Variants in SYCP2L observed in about 807,000 individuals in gnomAD.
The protein encoded by SYCP2L is synaptonemal complex protein 2 like.
In SYCP2L, 98 loss-of-function variants were observed where a neutral mutation model predicts 125.8. The observed-to-expected ratio is 0.78, with a 90% CI of 0.66 to 0.92. SYCP2L has a LOEUF of 0.92. SYCP2L is among the 40% of genes least tolerant of loss of function. The probability of loss-of-function intolerance (pLI) is 0.00; values close to 1 mark genes in which losing one functional copy is unlikely to be tolerated. For missense variants in SYCP2L, 842 were observed against 936.4 expected (o/e 0.90, Z 1.32); for synonymous variants, 317 against 325.4 (o/e 0.97, Z 0.28).
chr6:10,918,748 A>C (rs544223118), intron 14 of SYCP2L, among the ~76,000 whole-genome samples: 58 of 152,028 alleles, frequency 3.8e-4, no homozygotes, highest in East Asian at 1.6e-3. Flanking sequence ...GTTGGCCAGG[A>C]TGGTCTCAAT....
At chr6:10,956,460 A>G (rs967919620) in intron 25 of SYCP2L, among the ~76,000 whole-genome samples, 4 of 152,304 alleles carry the variant, frequency 2.6e-5, no homozygotes, top group Admixed American at 6.5e-5. Flanking sequence ...TTACAAGTTA[A>G]TAAGTTCTGG....
intron 8 of SYCP2L, among the ~76,000 whole-genome samples, chr6:10,903,472 T>C (rs1287058366): frequency 3.3e-5 from 5 of 151,738 alleles, no homozygotes; most frequent in Admixed American, 6.6e-5. Flanking sequence ...GGCGTGAACC[T>C]GGGAGGTGGA....
chr6:10,927,061 G>T (rs1047253190), intron 16 of SYCP2L, among the ~76,000 whole-genome samples, 179 bp from the exon 17 acceptor site: 1 of 152,168 alleles, frequency 6.6e-6, no homozygotes, highest in African/African-American at 2.4e-5. Flanking sequence ...GATTACAGAC[G>T]TGAGCCAACA....
In SYCP2L at chr6:10,956,211, A is replaced by C. The variant is rs1402718394; in HGVS notation, c.2132A>C (p.Asn711Thr). 27 of 1,613,670 alleles carry C rather than the reference A, an allele frequency of 1.7e-5. No homozygotes were observed. In the East Asian group the frequency reaches 6.0e-4, roughly 36 times the overall value. Residue 711 changes from asparagine (N) to threonine (T), a missense_variant, in exon 25 of 30, where the codon AAC (asparagine) becomes ACC (threonine). Physicochemically the swap from Asn to Thr is moderately conservative, Grantham distance 65 (BLOSUM62 0). Transcript: ENST00000283141. ...TCTGCCATTCTCCCAACCTTTGAAA[A>C]CTTCACTAAAAAACGGAAAAGAAAA... Reference protein sequence around the residue: ...NGSAILPTFENFTKKRKRKYE... With the variant: ...NGSAILPTFETFTKKRKRKYE...
At chr6:10,900,788 G>C (rs564017455) in intron 6 of SYCP2L, among the ~76,000 whole-genome samples, 32 of 152,256 alleles carry the variant, frequency 2.1e-4, no homozygotes, top group South Asian at 6.2e-4. Context: ...TGAATTTCGG[G>C]GGGGGACACA....
rs993355382 is a variant in SYCP2L, at chr6:10,939,932, G to T, written c.1814-2527G>T. 3.3e-5 allele frequency among the ~76,000 whole-genome samples: 5 copies of T among 151,814 alleles called. No individual in the cohort carries two copies. In the East Asian group the frequency reaches 7.8e-4, roughly 24 times the overall value. Reference sequence around the variant, plus strand: ...AACCTAAAGAATGGGAGAAAATATTGCAAATCATATATCTGATAATAGGTT... The same window carrying T: ...AACCTAAAGAATGGGAGAAAATATTTCAAATCATATATCTGATAATAGGTT... On this transcript the variant is annotated intron_variant, in intron 21 of 29. Coordinates refer to ENST00000283141, the MANE Select transcript of SYCP2L (RefSeq NM_001040274.3).
At chr6:10,942,072 T>G (rs1781233654) in intron 21 of SYCP2L, among the ~76,000 whole-genome samples, 1 of 141,216 alleles carries the variant, frequency 7.1e-6, no homozygotes, top group African/African-American at 2.7e-5. Flanking sequence ...CCACATGTTC[T>G]CACTCATAGG....
At chr6:10,948,553 C>T (rs1647233349) in intron 23 of SYCP2L, among the ~76,000 whole-genome samples, 1 of 151,984 alleles carries the variant, frequency 6.6e-6, no homozygotes, top group African/African-American at 2.4e-5. Context: ...TACTTGTGTT[C>T]CTGGGATAAA....
Position 10,926,433 on chromosome 6 carries a change from G to T in SYCP2L, c.1312+1G>T. On this transcript the variant is annotated splice_donor_variant, in intron 16 of 29. Transcript: ENST00000283141. LOFTEE classifies it high-confidence loss of function. ...CCCAGTGGCCTTGAAAGAGAAACAG[G>T]TATATTGGGAAATAACAAAATTCTG... The T allele has an allele frequency of 6.2e-7, 1 of 1,606,476 alleles. No individual in the cohort carries two copies. The highest frequency in any genetic ancestry group is 8.5e-7 in the Non-Finnish European group (1 of 1,174,690).
intron 14 of SYCP2L, 65 bp from the exon 15 acceptor site, chr6:10,924,431 A>G: frequency 7.5e-7 from 1 of 1,329,648 alleles, no homozygotes; most frequent in Non-Finnish European, 9.9e-7. Context: ...ATTTAAAATG[A>G]TAAAATTTTA....
chr6:10,956,665 G>A (rs1313307193), intron 25 of SYCP2L, among the ~76,000 whole-genome samples: 1 of 152,122 alleles, frequency 6.6e-6, no homozygotes, highest in Non-Finnish European at 1.5e-5. Context: ...GTCTCACTAT[G>A]TTGCCTAGGC....
rs1780179019 is a variant in SYCP2L, at chr6:10,891,723, C to G, written c.78+142C>G. 7.9e-6 allele frequency: 4 copies of G among 503,866 alleles called. No individual in the cohort carries two copies. In the East Asian group the frequency reaches 1.4e-4, roughly 17 times the overall value. The allele number at this position is 503,866 out of a possible 1,614,324, so 31.2% of individuals were successfully genotyped here. ...CTGTGTTCCCTGGGTCATTAGCAAA[C>G]TTGTTCCTCCAGTTGCTCAAATCAG... On this transcript the variant is annotated intron_variant, in intron 2 of 29. Coordinates refer to ENST00000283141, the MANE Select transcript of SYCP2L (RefSeq NM_001040274.3).
chr6:10,903,526 G>C (rs967447739), intron 8 of SYCP2L, among the ~76,000 whole-genome samples: 1 of 151,900 alleles, frequency 6.6e-6, no homozygotes, highest in Non-Finnish European at 1.5e-5. Context: ...CCAGCCTGAG[G>C]GTGACAGAGT....
rs767257890 is a variant in SYCP2L at position 10,907,683 on chromosome 6, C to T, written c.818C>T (p.Thr273Met). 6.3e-5 allele frequency: 101 copies of T among 1,611,656 alleles called. No individual in the cohort carries two copies. Among genetic ancestry groups the T allele is most frequent in the Admixed American group, 1.7e-4 (10 of 59,372 alleles). Residue 273 changes from threonine (T) to methionine (M), a missense_variant and splice_region_variant, in exon 10 of 30, where the codon ACG (threonine) becomes ATG (methionine). Physicochemically the swap from Thr to Met is moderately conservative, Grantham distance 81. Coordinates refer to ENST00000283141, the MANE Select transcript of SYCP2L (RefSeq NM_001040274.3). ...GAAATTAAGGATCGAGAATTTGAGA[C>T]GGTGAGATTCCTGGCCATGCGAATT... ...FKEIKDREFE[T>M]DSRRFLNHLN...
At position 10,963,950 on chromosome 6, in the gene SYCP2L, G is replaced by A. The variant is rs117503704; in HGVS notation, c.*37+107G>A. The A allele has an allele frequency of 3.7e-3, 2,907 of 795,226 alleles. 46 individuals are homozygous for A. The highest frequency in any genetic ancestry group is 0.035 in the Admixed American group (1,063 of 30,264). The allele number at this position is 795,226 out of a possible 1,614,324, so 49.3% of individuals were successfully genotyped here. The stretch of plus-strand genomic sequence containing the variant: ...TTTGTTCATATGACATTTCTGCAGC[G>A]GAACTTCTCCATTTTTTTTTTTTTT... On this transcript the variant is annotated intron_variant, in intron 29 of 29. Transcript: ENST00000283141.
chr6:10,900,131 G>T (rs1780353122), intron 6 of SYCP2L, among the ~76,000 whole-genome samples: 2 of 152,094 alleles, frequency 1.3e-5, no homozygotes, highest in South Asian at 4.1e-4. Flanking sequence ...AGTCCAATTA[G>T]GCTGCCATGA....
intron 10 of SYCP2L, 53 bp downstream of exon 10, chr6:10,907,737 C>T (rs890037807): frequency 2.0e-5 from 32 of 1,583,844 alleles, no homozygotes; most frequent in East Asian, 1.1e-4. Flanking sequence ...ATTAAGCATC[C>T]GCTGAGAACT....
chr6:10,909,116 AT>A (rs67767345), intron 10 of SYCP2L, among the ~76,000 whole-genome samples: 19,861 of 93,242 alleles, frequency 0.21, 908 homozygotes, highest in African/African-American at 0.24. Context: ...TCTCAATTGA[AT>A]TTTTTTTTTT....
intron 9 of SYCP2L, among the ~76,000 whole-genome samples, chr6:10,906,522 A>G (rs1780493734): frequency 2.6e-5 from 4 of 152,134 alleles, no homozygotes. Flanking sequence ...TGAAATTTAA[A>G]CATGTTGCTA....
Sources: allele counts gnomAD v4.1 joint callset (sites outside exome capture counted in the v4.1 genomes callset), GRCh38; gene constraint gnomAD v4.1.1; transcripts MANE v1.5; gene names NCBI Gene and HGNC (gene_info 2026-07-23, HGNC 2026-07-21).